PDE4D: variants seen among roughly 807,000 people sequenced by gnomAD.
PDE4D encodes 3',5'-cyclic-AMP phosphodiesterase 4D.
PDE4D carries 24 observed loss-of-function variants against 87.4 expected under a neutral mutation model. The ratio of observed to expected loss-of-function variants is 0.27; its 90% CI spans 0.20 to 0.39. The LOEUF is 0.39. PDE4D is among the 10% of genes least tolerant of loss of function. The pLI, the probability that PDE4D is intolerant of heterozygous loss-of-function variation, is 1.00. For missense variants in PDE4D, 714 were observed against 1,041.0 expected (o/e 0.69, Z 4.32); for synonymous variants, 384 against 383.2 (o/e 1.00, Z -0.02).
At chr5:59,432,561 G>A (rs1186235325) in intron 1 of PDE4D, among the ~76,000 whole-genome samples, 1 of 152,086 alleles carries the variant, frequency 6.6e-6, no homozygotes, top group African/African-American at 2.4e-5. Context: ...GTTGGAAGAT[G>A]TCAACTCCTC....
At chr5:59,112,071 C>T (rs988971626) in intron 5 of PDE4D, among the ~76,000 whole-genome samples, 3 of 151,984 alleles carry the variant, frequency 2.0e-5, no homozygotes, top group Admixed American at 1.3e-4. Flanking sequence ...TATTAATGTG[C>T]GATGCATTTA....
At chr5:59,898,644 C>T (rs986335656), upstream of PDE4D, among the ~76,000 whole-genome samples, 5 of 152,030 alleles carry the variant, frequency 3.3e-5, no homozygotes, top group Admixed American at 1.3e-4. Context: ...CAGAGACTGG[C>T]GCAGACAATA....
At chr5:60,469,967 G>A (rs1747691712) in intron 1 of PDE4D, among the ~76,000 whole-genome samples, 1 of 152,100 alleles carries the variant, frequency 6.6e-6, no homozygotes, top group South Asian at 2.1e-4. Flanking sequence ...CAAAAGCTCG[G>A]AATGAATAAG....
intron 5 of PDE4D, among the ~76,000 whole-genome samples, chr5:59,161,352 C>T (rs574263702): frequency 3.9e-5 from 6 of 152,138 alleles, no homozygotes; most frequent in East Asian, 1.9e-4. Context: ...AGCTGGAAAG[C>T]GGGAAAACTC....
rs541305240 is a variant in PDE4D, at chr5:59,687,202, T to A, written c.455+205966A>T. ...AATTTTTAAAATAATTATAACACCC[T>A]AAAAGAAAATTACCCTCTAGTAGAA... On this transcript the variant is annotated intron_variant, in intron 1 of 14. Coordinates refer to ENST00000340635, the MANE Select transcript of PDE4D (RefSeq NM_001104631.2). Among the ~76,000 whole-genome samples the A allele has an allele frequency of 5.3e-5, 8 of 152,138 alleles. No homozygotes were observed. The East Asian group carries it at 1.4e-3, about 26-fold the overall frequency.
chr5:60,155,702 A>G (rs1198284010), intron 2 of PDE4D, among the ~76,000 whole-genome samples: 1 of 152,236 alleles, frequency 6.6e-6, no homozygotes, highest in African/African-American at 2.4e-5. Flanking sequence ...GCTAGTTTAT[A>G]ACTGCAGAGG....
At chr5:59,891,308 A>C (rs565316494) in intron 1 of PDE4D, among the ~76,000 whole-genome samples, 3 of 152,356 alleles carry the variant, frequency 2.0e-5, no homozygotes, top group Admixed American at 2.0e-4. Flanking sequence ...GAAGTCAATT[A>C]AGAAACTCTA....
intron 1 of PDE4D, among the ~76,000 whole-genome samples, chr5:59,831,015 C>T (rs559500184): frequency 6.6e-6 from 1 of 152,018 alleles, no homozygotes; most frequent in East Asian, 1.9e-4. Flanking sequence ...AATGGTTTGA[C>T]TACAAGCCTC....
chr5:59,180,296 T>C (rs1741199380), intron 5 of PDE4D: 2 of 547,666 alleles, frequency 3.7e-6, no homozygotes. Flanking sequence ...GGAAGTGACT[T>C]GAAAGTAACA....
At chr5:59,926,233 T>C (rs1405208263) in intron 3 of PDE4D, among the ~76,000 whole-genome samples, 2 of 151,858 alleles carry the variant, frequency 1.3e-5, no homozygotes, top group African/African-American at 4.8e-5. Flanking sequence ...AACAAACACA[T>C]AGAAATTAAA....
In PDE4D at chr5:59,617,294, C is replaced by T. The variant is rs75249877; in HGVS notation, c.455+275874G>A. Reference sequence around the variant, plus strand: ...TAGTGAAAGTCATTTACTAACTTCTCTTCCATGGCAACCACAGTAAATATT... The same window carrying T: ...TAGTGAAAGTCATTTACTAACTTCTTTTCCATGGCAACCACAGTAAATATT... On this transcript the variant is annotated intron_variant, in intron 1 of 14. Transcript: ENST00000340635. Among the ~76,000 whole-genome samples, 543 of 152,156 alleles carry T rather than the reference C, an allele frequency of 3.6e-3. 4 individuals are homozygous for T. Among genetic ancestry groups the T allele is most frequent in the African/African-American group, 0.013 (522 of 41,532 alleles).
At chr5:59,759,313 C>T (rs954985912) in intron 1 of PDE4D, among the ~76,000 whole-genome samples, 1 of 152,132 alleles carries the variant, frequency 6.6e-6, no homozygotes, top group African/African-American at 2.4e-5. Context: ...TTCTTATCAA[C>T]ATTTCTGCCA....
At chr5:60,101,251 G>A (rs1232405832) in intron 2 of PDE4D, among the ~76,000 whole-genome samples, 1 of 151,974 alleles carries the variant, frequency 6.6e-6, no homozygotes, top group African/African-American at 2.4e-5. Flanking sequence ...ATGAATGCAG[G>A]TCCAAAATTC....
chr5:59,497,917 G>C (rs377578462), intron 1 of PDE4D, among the ~76,000 whole-genome samples: 2 of 151,954 alleles, frequency 1.3e-5, no homozygotes, highest in African/African-American at 4.8e-5. Flanking sequence ...CTTAACGGCA[G>C]CTAGAGAAAA....
chr5:60,123,794 T>C (rs1778899545), intron 2 of PDE4D, among the ~76,000 whole-genome samples: 1 of 152,152 alleles, frequency 6.6e-6, no homozygotes, highest in African/African-American at 2.4e-5. Flanking sequence ...ATTTGACCTT[T>C]CTCATTTTAC....
chr5:59,973,241 T>C (rs574422302), intron 3 of PDE4D, among the ~76,000 whole-genome samples: 1 of 152,290 alleles, frequency 6.6e-6, no homozygotes, highest in African/African-American at 2.4e-5. Context: ...AACACTTATT[T>C]TCATTAATAG....
chr5:59,638,642 C>T (rs1741006900), intron 1 of PDE4D, among the ~76,000 whole-genome samples: 1 of 152,034 alleles, frequency 6.6e-6, no homozygotes, highest in African/African-American at 2.4e-5. Flanking sequence ...CTTATAGTAT[C>T]ACTTTTCTTT....
At chr5:59,289,541 C>G (rs1459322514) in intron 1 of PDE4D, among the ~76,000 whole-genome samples, 4 of 151,864 alleles carry the variant, frequency 2.6e-5, no homozygotes, top group African/African-American at 9.7e-5. Flanking sequence ...AATACCTCAA[C>G]ACAATAAAAG....
intron 5 of PDE4D, among the ~76,000 whole-genome samples, chr5:59,073,767 A>G (rs1580660224): frequency 6.6e-6 from 1 of 152,144 alleles, no homozygotes; most frequent in Admixed American, 6.5e-5. Context: ...CATATGATGA[A>G]TTTGTTTCTA....
Sources: gnomAD v4.1 joint callset for allele counts (sites outside exome capture counted in the v4.1 genomes callset) on GRCh38, gnomAD v4.1.1 for gene constraint, MANE v1.5 for transcripts, NCBI Gene and HGNC (gene_info 2026-07-23, HGNC 2026-07-21) for gene names.